Variants in PCDH11X observed in about 807,000 individuals in gnomAD.
PCDH11X encodes protocadherin-11 X-linked.
A neutral mutation model predicts 53.3 loss-of-function variants in PCDH11X; 18 were observed. The observed-to-expected ratio is 0.34, with a 90% confidence interval of 0.23 to 0.50. The LOEUF (loss-of-function observed/expected upper bound fraction) is 0.50, where lower values mean the gene tolerates loss of function less well. Ranked by LOEUF, PCDH11X falls within the 20% of genes least tolerant of loss-of-function variation. The pLI is 0.98. For synonymous variants in PCDH11X, 279 were observed against 393.3 expected (o/e 0.71, Z 3.44); for missense variants, 570 against 1,032.4 (o/e 0.55, Z 6.14).
Position 92,221,256 on chromosome X carries a change from T to A in PCDH11X, c.3114+19801T>A, listed in dbSNP as rs201857966. On this transcript the variant is annotated intron_variant, in intron 7 of 10. Coordinates refer to ENST00000682573, the MANE Select transcript of PCDH11X (RefSeq NM_032968.5). Reference sequence around the variant, plus strand: ...AATGAAAAATTGCTCATTTTTTTTTTAAAAAAGAAAACATTGTATACAACA... The same window carrying A: ...AATGAAAAATTGCTCATTTTTTTTTAAAAAAAGAAAACATTGTATACAACA... 1.1e-3 allele frequency among the ~76,000 whole-genome samples: 101 copies of A among 91,895 alleles called. 2 individuals are homozygous for A. Among genetic ancestry groups the A allele is most frequent in the East Asian group, 4.6e-3 (13 of 2,837 alleles). 79.8% of individuals were successfully genotyped at this position (91,895 alleles called of 115,157 possible). A position where few individuals can be genotyped will look rare whatever the true frequency, so the allele number is the denominator to read the frequency against.
intron 10 of PCDH11X, among the ~76,000 whole-genome samples, chrX:92,492,851 C>T (rs1048335807): frequency 9.1e-6 from 1 of 109,837 alleles, no homozygotes; most frequent in African/African-American, 3.3e-5. Context: ...CTTTCTGTTC[C>T]TTATGATAAT....
intron 6 of PCDH11X, among the ~76,000 whole-genome samples, chrX:92,077,380 G>A (rs868188684): frequency 9.3e-6 from 1 of 107,260 alleles, no homozygotes; most frequent in African/African-American, 3.4e-5. Context: ...CTCTATTGTT[G>A]AATGACCATG....
chrX:92,503,859 T>G (rs2074004308), intron 10 of PCDH11X, among the ~76,000 whole-genome samples: 1 of 109,574 alleles, frequency 9.1e-6, no homozygotes, highest in Non-Finnish European at 1.9e-5. Context: ...ACCCCTAAAC[T>G]TAAAATAAAA....
chrX:91,988,746 C>G (rs1412290114), intron 6 of PCDH11X, among the ~76,000 whole-genome samples: 5 of 111,981 alleles, frequency 4.5e-5, no homozygotes, highest in African/African-American at 1.3e-4. Flanking sequence ...ATGCAGTTGT[C>G]GAACACTAGT....
chrX:92,053,009 T>A (rs995161882), intron 6 of PCDH11X, among the ~76,000 whole-genome samples: 5 of 112,013 alleles, frequency 4.5e-5, no homozygotes, highest in African/African-American at 1.6e-4. Context: ...TCTCTACATA[T>A]TTAGTTATTT....
chrX:92,086,633 G>A (rs1353381353), intron 6 of PCDH11X, among the ~76,000 whole-genome samples: 1 of 111,559 alleles, frequency 9.0e-6, no homozygotes, highest in Non-Finnish European at 1.9e-5. Context: ...TTATGGTTTT[G>A]TGCAATAGAG....
intron 1 of PCDH11X, among the ~76,000 whole-genome samples, chrX:91,789,034 C>A (rs1461255272): frequency 1.9e-5 from 2 of 107,706 alleles, no homozygotes; most frequent in African/African-American, 6.8e-5. Context: ...CCCGTCTCTA[C>A]TAAAAAAAAT....
intron 6 of PCDH11X, among the ~76,000 whole-genome samples, chrX:92,008,837 C>A (rs2062643891): frequency 2.7e-5 from 3 of 110,731 alleles, no homozygotes; most frequent in Non-Finnish European, 5.7e-5. Context: ...AACTATTGTA[C>A]TGATCAAAAG....
intron 6 of PCDH11X, among the ~76,000 whole-genome samples, chrX:92,167,160 A>G (rs1343975992): frequency 9.0e-6 from 1 of 110,962 alleles, no homozygotes; most frequent in South Asian, 3.8e-4. Flanking sequence ...ATGAAGTACT[A>G]TATTAATCTT....
intron 6 of PCDH11X, among the ~76,000 whole-genome samples, chrX:92,191,828 A>C (rs747617009): frequency 3.6e-5 from 4 of 112,013 alleles, no homozygotes; most frequent in African/African-American, 1.3e-4. Context: ...TAGTGCCTCT[A>C]TTTGGCCATG....
At chrX:92,229,022 A>G (rs1354853466) in intron 7 of PCDH11X, among the ~76,000 whole-genome samples, 1 of 111,854 alleles carries the variant, frequency 8.9e-6, no homozygotes, top group Admixed American at 9.6e-5. Flanking sequence ...AAAGATTCAC[A>G]TTAAAAATCG....
chrX:92,115,070 A>G (rs916589239), intron 6 of PCDH11X, among the ~76,000 whole-genome samples: 9 of 109,614 alleles, frequency 8.2e-5, no homozygotes, highest in African/African-American at 3.0e-4. Context: ...CAGCCTCCCA[A>G]AGTGTTGGGA....
At chrX:92,258,269 T>G (rs772068379) in intron 7 of PCDH11X, among the ~76,000 whole-genome samples, 37 of 111,156 alleles carry the variant, frequency 3.3e-4, no homozygotes, top group Non-Finnish European at 5.9e-4. Context: ...GGGCCTGTAA[T>G]GGGGGGTGCT....
At chrX:92,491,124 G>T (rs866162662) in intron 10 of PCDH11X, among the ~76,000 whole-genome samples, 41 of 110,424 alleles carry the variant, frequency 3.7e-4, no homozygotes, top group Non-Finnish European at 6.3e-4. Context: ...ACCATATTTT[G>T]TCTATTCATA....
chrX:92,405,832 C>T (rs1395975686), intron 9 of PCDH11X, among the ~76,000 whole-genome samples: 2 of 111,226 alleles, frequency 1.8e-5, no homozygotes, highest in Non-Finnish European at 3.8e-5. Flanking sequence ...CAGTGGCTCA[C>T]GCCTGTAATC....
At chrX:91,926,685 A>G (rs1400812519) in intron 6 of PCDH11X, among the ~76,000 whole-genome samples, 1 of 110,761 alleles carries the variant, frequency 9.0e-6, no homozygotes, top group African/African-American at 3.3e-5. Flanking sequence ...GTATTTTTTA[A>G]AAATTTTTAG....
chrX:92,099,254 G>A (rs759296172), intron 6 of PCDH11X, among the ~76,000 whole-genome samples: 67 of 108,632 alleles, frequency 6.2e-4, no homozygotes, highest in African/African-American at 1.9e-3. Context: ...CTGTATTTGC[G>A]TGGAAATGAA....
At chrX:92,197,944 CT>C (rs1164143868) in intron 6 of PCDH11X, among the ~76,000 whole-genome samples, 1 of 111,597 alleles carries the variant, frequency 9.0e-6, no homozygotes, top group African/African-American at 3.3e-5. Context: ...TCTCTGGATT[CT>C]TTTTTTGCTA....
chrX:92,045,999 T>C (rs1270717942), intron 6 of PCDH11X, among the ~76,000 whole-genome samples: 2 of 109,189 alleles, frequency 1.8e-5, no homozygotes, highest in Admixed American at 9.8e-5. Flanking sequence ...CAGTAAAAAA[T>C]CTGTCTCTAA....
Sources: allele counts gnomAD v4.1 joint callset (sites outside exome capture counted in the v4.1 genomes callset), GRCh38; gene constraint gnomAD v4.1.1; transcripts MANE v1.5; gene names NCBI Gene and HGNC (gene_info 2026-07-23, HGNC 2026-07-21).